KIF13A: variants seen among roughly 807,000 people sequenced by gnomAD.
The protein encoded by KIF13A is kinesin-like protein KIF13A.
A neutral mutation model predicts 212.2 loss-of-function variants in KIF13A; 79 were observed. That is an observed-to-expected ratio of 0.37 (90% confidence interval 0.31 to 0.45). KIF13A has a LOEUF of 0.45. Ranked by LOEUF, KIF13A falls within the 20% of genes least tolerant of loss-of-function variation. KIF13A has a pLI of 1.00. For synonymous variants in KIF13A, 789 were observed against 808.6 expected, an observed-to-expected ratio of 0.98 and a Z score of 0.41; for missense variants, 1,901 against 2,209.0, an observed-to-expected ratio of 0.86 and a Z score of 2.79.
In KIF13A at chr6:17,837,213, C is replaced by A; in HGVS notation, c.943-123G>T. On this transcript the variant is annotated intron_variant, in intron 10 of 38. Coordinates refer to ENST00000259711, the MANE Select transcript of KIF13A (RefSeq NM_022113.6). This position sits in a 1 kb window ranked among gnomAD's most constrained non-coding sequence, Gnocchi z 5.4. ...GAAGGAAACATTATGTGGAAATGGA[C>A]TTGCATTTCACAAATAACGTCATGA... The A allele has an allele frequency of 2.3e-6, 2 of 886,202 alleles. No homozygotes were observed. The highest frequency in any genetic ancestry group is 3.5e-6 in the Non-Finnish European group (2 of 563,704). 54.9% of individuals were successfully genotyped at this position (886,202 alleles called of 1,614,324 possible).
At chr6:17,881,941 A>G in intron 3 of KIF13A, 1 of 450,162 alleles carries the variant, frequency 2.2e-6, no homozygotes, top group South Asian at 1.6e-5. Flanking sequence ...GGTTGCAGTG[A>G]GCTGAGATTG....
chr6:17,979,971 G>A (rs1392391934), intron 2 of KIF13A, among the ~76,000 whole-genome samples: 1 of 152,098 alleles, frequency 6.6e-6, no homozygotes, highest in East Asian at 1.9e-4. Context: ...GAAACCCCAT[G>A]TCCTAAGAGG....
Position 17,968,072 on chromosome 6 carries a change from G to A in KIF13A, c.146+18982C>T, listed in dbSNP as rs1007245191. On this transcript the variant is annotated intron_variant, in intron 2 of 38. Coordinates refer to ENST00000259711, the MANE Select transcript of KIF13A (RefSeq NM_022113.6). This position sits in a 1 kb window ranked among gnomAD's most constrained non-coding sequence, Gnocchi z 4.7. ...GAGAACCCCTGGGGGACTGACAAAC[G>A]TAGGCATATTATTTGACATGTGTGC... Among the ~76,000 whole-genome samples, 2 of 152,154 alleles carry A rather than the reference G, an allele frequency of 1.3e-5. No homozygotes were observed. The highest frequency in any genetic ancestry group is 2.9e-5 in the Non-Finnish European group (2 of 68,036).
rs989491399 is a variant in KIF13A, at chr6:17,787,328, T to C, written c.3361+448A>G. On this transcript the variant is annotated intron_variant, in intron 27 of 38. Coordinates refer to ENST00000259711, the MANE Select transcript of KIF13A (RefSeq NM_022113.6). The surrounding 1 kb of genome is among the most constrained non-coding windows in gnomAD (Gnocchi z 4.6). Reference sequence around the variant, plus strand: ...CTTAAACCAACAATGTATAATATGATTGACTGATGTCTATAATTGTTACAA... The same window carrying C: ...CTTAAACCAACAATGTATAATATGACTGACTGATGTCTATAATTGTTACAA... Among the ~76,000 whole-genome samples the C allele has an allele frequency of 2.0e-5, 3 of 152,190 alleles. No homozygotes were observed. The highest frequency in any genetic ancestry group is 1.3e-4 in the Admixed American group (2 of 15,280).
At chr6:17,907,554 A>G (rs78249268) in intron 2 of KIF13A, among the ~76,000 whole-genome samples, 1 of 140,560 alleles carries the variant, frequency 7.1e-6, no homozygotes, top group Non-Finnish European at 1.5e-5. Flanking sequence ...GCATTTATGG[A>G]AAAAAAAAAA....
At position 17,826,182 on chromosome 6, in the gene KIF13A, T is replaced by C. The variant is rs1764945437; in HGVS notation, c.1533-58A>G. The C allele has an allele frequency of 7.5e-7, 1 of 1,331,614 alleles. No individual in the cohort carries two copies. Among genetic ancestry groups the C allele is most frequent in the East Asian group, 2.3e-5 (1 of 43,432 alleles). The allele number at this position is 1,331,614 out of a possible 1,614,324, so 82.5% of individuals were successfully genotyped here. ...TGGGAAGGAGCACAAGACCTTGTCC[T>C]GGTAGCCAAAGAGATAACTAGGGGA... On this transcript the variant is annotated intron_variant, in intron 14 of 38. Coordinates refer to ENST00000259711, the MANE Select transcript of KIF13A (RefSeq NM_022113.6). The surrounding 1 kb of genome is among the most constrained non-coding windows in gnomAD (Gnocchi z 4.7).
At chr6:17,977,303 G>T (rs1475583617) in intron 2 of KIF13A, among the ~76,000 whole-genome samples, 1 of 152,078 alleles carries the variant, frequency 6.6e-6, no homozygotes, top group African/African-American at 2.4e-5. Flanking sequence ...CTTAAATATG[G>T]AAATTATCAA....
Position 17,963,713 on chromosome 6 carries a change from C to T in KIF13A, c.146+23341G>A, listed in dbSNP as rs767353097. 3.3e-5 allele frequency among the ~76,000 whole-genome samples: 5 copies of T among 152,112 alleles called. No homozygotes were observed. Among genetic ancestry groups the T allele is most frequent in the East Asian group, 1.9e-4 (1 of 5,150 alleles). On this transcript the variant is annotated intron_variant, in intron 2 of 38. Transcript: ENST00000259711. This position sits in a 1 kb window ranked among gnomAD's most constrained non-coding sequence, Gnocchi z 4.1. ...CTGGGATTACAGGCACGCGCCACCA[C>T]GCCCTGCTAATTTTTGCATTTTTAG...
chr6:17,763,480 AAAAAAAAAAAAAAAAG>A (rs1230259951), downstream of KIF13A, among the ~76,000 whole-genome samples: 12 of 139,822 alleles, frequency 8.6e-5, no homozygotes, highest in Admixed American at 3.4e-4. Context: ...CATCTCAAAA[AAAAAAAAAAAAAAAAG>A]AAAAAAGAAA....
intron 2 of KIF13A, among the ~76,000 whole-genome samples, chr6:17,981,426 C>CTTTTTTTTT (rs565958562): frequency 3.0e-5 from 4 of 134,298 alleles, no homozygotes; most frequent in Admixed American, 7.5e-5. Flanking sequence ...TTTCTTTTTT[C>CTTTTTTTTT]TTTTTTTTTT....
intron 13 of KIF13A, among the ~76,000 whole-genome samples, chr6:17,830,667 T>G (rs1765369247): frequency 6.6e-6 from 1 of 152,184 alleles, no homozygotes; most frequent in Non-Finnish European, 1.5e-5. Context: ...TGTTGTCTAT[T>G]TAATCTAGGA....
Position 17,843,485 on chromosome 6 carries a change from T to G in KIF13A, c.830+5892A>C, listed in dbSNP as rs905288009. Among the ~76,000 whole-genome samples the G allele has an allele frequency of 6.6e-6, 1 of 152,220 alleles. No individual in the cohort carries two copies. Among genetic ancestry groups the G allele is most frequent in the Non-Finnish European group, 1.5e-5 (1 of 68,038 alleles). On this transcript the variant is annotated intron_variant, in intron 9 of 38. Transcript: ENST00000259711. This position sits in a 1 kb window ranked among gnomAD's most constrained non-coding sequence, Gnocchi z 5.3. ...TGATAAAAGAAGGTACAAATTCAGC[T>G]GACAGAAGCCTGTGGTTTTTTGCCC...
chr6:17,977,110 A>G (rs1211359323), intron 2 of KIF13A, among the ~76,000 whole-genome samples: 2 of 84,944 alleles, frequency 2.4e-5, no homozygotes, highest in Non-Finnish European at 4.5e-5. Context: ...TCAAAAAACA[A>G]CAACAAAAAA....
At chr6:17,903,538 C>T (rs1221713054) in intron 2 of KIF13A, among the ~76,000 whole-genome samples, 5 of 152,030 alleles carry the variant, frequency 3.3e-5, no homozygotes, top group African/African-American at 7.2e-5. Context: ...ATAAGTTTTA[C>T]GTGACTTTTG....
chr6:17,797,771 A>AC (rs1762168602), intron 22 of KIF13A, among the ~76,000 whole-genome samples: 1 of 152,074 alleles, frequency 6.6e-6, no homozygotes. Flanking sequence ...GGTGGTGCAC[A>AC]CCTGTAGTCC....
Position 17,914,287 on chromosome 6 carries a change from C to T in KIF13A, c.147-16107G>A, listed in dbSNP as rs568016541. ...TGTTTTTCACTAAAAAAGTGATGCTCTCTCTTCTGAAAGTCTTTAAAATAT... is the reference window on the plus strand; with the variant it reads ...TGTTTTTCACTAAAAAAGTGATGCTTTCTCTTCTGAAAGTCTTTAAAATAT... On this transcript the variant is annotated intron_variant, in intron 2 of 38. Coordinates refer to ENST00000259711, the MANE Select transcript of KIF13A (RefSeq NM_022113.6). The surrounding 1 kb of genome is among the most constrained non-coding windows in gnomAD (Gnocchi z 5.9). Among the ~76,000 whole-genome samples the T allele has an allele frequency of 2.0e-5, 3 of 152,252 alleles. No homozygotes were observed. The highest frequency in any genetic ancestry group is 4.8e-5 in the African/African-American group (2 of 41,538).
rs540820006 is a variant in KIF13A, at chr6:17,805,397, G to A, written c.2304+78C>T. ...TGTGTGTGTGTGTGTGTGTGTGTGTGTGTGTGTGTGTTGCTAAATCGCTTA... is the reference window on the plus strand; with the variant it reads ...TGTGTGTGTGTGTGTGTGTGTGTGTATGTGTGTGTGTTGCTAAATCGCTTA... On this transcript the variant is annotated intron_variant, in intron 19 of 38. Transcript: ENST00000259711. 52 of 649,754 alleles carry A rather than the reference G, an allele frequency of 8.0e-5. 2 individuals are homozygous for A. In the Middle Eastern group the frequency reaches 1.5e-3, roughly 19 times the overall value. 40.2% of individuals were successfully genotyped at this position (649,754 alleles called of 1,614,324 possible). A position where few individuals can be genotyped will look rare whatever the true frequency, so the allele number is the denominator to read the frequency against.
chr6:17,949,854 T>G (rs1402814234), intron 2 of KIF13A, among the ~76,000 whole-genome samples: 1 of 152,088 alleles, frequency 6.6e-6, no homozygotes, highest in Non-Finnish European at 1.5e-5. Context: ...TAAACAGAGT[T>G]AAGAGATAAC....
At chr6:17,767,096 A>G (rs560713455) in intron 38 of KIF13A, among the ~76,000 whole-genome samples, 1 of 152,314 alleles carries the variant, frequency 6.6e-6, no homozygotes, top group East Asian at 1.9e-4. Flanking sequence ...TCTGCATTCT[A>G]AATTAAGTAG....
Sources: gnomAD v4.1 joint callset for allele counts (sites outside exome capture counted in the v4.1 genomes callset) on GRCh38, gnomAD v4.1.1 for gene constraint, Gnocchi (gnomAD v3.1) non-coding constraint, MANE v1.5 for transcripts, NCBI Gene and HGNC (gene_info 2026-07-23, HGNC 2026-07-21) for gene names.